The following LSAMP variants were observed in gnomAD, a reference collection of about 807,000 sequenced individuals.
LSAMP encodes limbic system associated membrane protein, also known as limbic system-associated membrane protein.
A neutral mutation model predicts 38.6 loss-of-function variants in LSAMP; 7 were observed. That is an observed-to-expected ratio of 0.18 (90% confidence interval 0.10 to 0.34). The LOEUF (loss-of-function observed/expected upper bound fraction) is 0.34. LSAMP is among the 10% of genes least tolerant of loss of function. LSAMP has a pLI of 1.00. For synonymous variants in LSAMP, 154 were observed against 166.8 expected (o/e 0.92, Z 0.59); for missense variants, 313 against 420.0 (o/e 0.75, Z 2.23).
intron 1 of LSAMP, among the ~76,000 whole-genome samples, chr3:116,317,704 G>A (rs1159755608): frequency 6.6e-6 from 1 of 152,078 alleles, no homozygotes; most frequent in African/African-American, 2.4e-5. Flanking sequence ...GAAACTGGGG[G>A]CAGTAGTTAT....
intron 3 of LSAMP, among the ~76,000 whole-genome samples, chr3:115,938,141 G>A (rs1295695212): frequency 6.6e-6 from 1 of 152,116 alleles, no homozygotes; most frequent in Non-Finnish European, 1.5e-5. Context: ...AAGGTCTTTA[G>A]ATTTTCACTG....
chr3:116,423,117 A>T (rs562578365), intron 1 of LSAMP, among the ~76,000 whole-genome samples: 30 of 152,384 alleles, frequency 2.0e-4, no homozygotes, highest in African/African-American at 6.7e-4. Flanking sequence ...AGATTAATGG[A>T]TGACTAGACA....
chr3:116,129,904 T>A (rs1205125012), intron 1 of LSAMP, among the ~76,000 whole-genome samples: 2 of 152,216 alleles, frequency 1.3e-5, no homozygotes, highest in Non-Finnish European at 2.9e-5. Context: ...ATTTTATGTG[T>A]TCATCTGGAG....
intron 1 of LSAMP, among the ~76,000 whole-genome samples, chr3:116,235,325 A>G (rs1422381263): frequency 4.6e-5 from 7 of 152,108 alleles, no homozygotes; most frequent in African/African-American, 1.7e-4. Flanking sequence ...TATGTTGCAT[A>G]GACTGGTCTT....
At chr3:115,853,511 C>T (rs1422621804) in intron 3 of LSAMP, among the ~76,000 whole-genome samples, 2 of 152,148 alleles carry the variant, frequency 1.3e-5, no homozygotes, top group Non-Finnish European at 2.9e-5. Flanking sequence ...CTTAAGAAAC[C>T]TTGTTTAAAT....
intron 2 of LSAMP, among the ~76,000 whole-genome samples, chr3:116,053,928 T>C (rs2107737005): frequency 6.6e-6 from 1 of 152,318 alleles, no homozygotes; most frequent in East Asian, 1.9e-4. Flanking sequence ...TGTTTTTAAA[T>C]ACCATATTAC....
chr3:116,260,791 G>A (rs2046816082), intron 1 of LSAMP, among the ~76,000 whole-genome samples: 1 of 152,164 alleles, frequency 6.6e-6, no homozygotes, highest in Non-Finnish European at 1.5e-5. Context: ...TCTATGCCTT[G>A]AGGATAAAGA....
chr3:115,945,988 T>C (rs75956773), intron 3 of LSAMP, among the ~76,000 whole-genome samples: 2,969 of 152,248 alleles, frequency 0.02, 98 homozygotes, highest in African/African-American at 0.067. Flanking sequence ...AACTCTTAAA[T>C]AGAGCATCCC....
At chr3:116,346,077 A>G (rs534874626) in intron 1 of LSAMP, among the ~76,000 whole-genome samples, 1 of 152,288 alleles carries the variant, frequency 6.6e-6, no homozygotes, top group African/African-American at 2.4e-5. Flanking sequence ...TCTGGGTGCA[A>G]ATTATTAAAA....
chr3:115,868,142 C>T (rs749497098), intron 3 of LSAMP, among the ~76,000 whole-genome samples: 2 of 152,134 alleles, frequency 1.3e-5, no homozygotes, highest in African/African-American at 2.4e-5. Context: ...AATTTAGCTC[C>T]TACATTCAAC....
intron 3 of LSAMP, among the ~76,000 whole-genome samples, chr3:115,873,179 G>A (rs1182874604): frequency 1.3e-5 from 2 of 152,006 alleles, no homozygotes; most frequent in African/African-American, 4.8e-5. Context: ...AGACCAGCCT[G>A]GCCAACATGA....
intron 1 of LSAMP, among the ~76,000 whole-genome samples, chr3:116,240,533 A>G (rs1201486389): frequency 2.0e-5 from 3 of 152,218 alleles, no homozygotes; most frequent in Non-Finnish European, 2.9e-5. Flanking sequence ...TAGAGAAAAC[A>G]CTACAGGAGA....
At chr3:116,383,209 A>C (rs1290512066) in intron 1 of LSAMP, among the ~76,000 whole-genome samples, 1 of 152,140 alleles carries the variant, frequency 6.6e-6, no homozygotes, top group Non-Finnish European at 1.5e-5. Context: ...GCTATGTATA[A>C]TACTTTGAAG....
At position 116,180,000 on chromosome 3, in the gene LSAMP, T is replaced by A. The variant is rs560554044; in HGVS notation, c.156-93444A>T. ...GTTCTAAGTACTTATAACATATTTA[T>A]AATAGCATTATGACAAACAGCTTGG... is the stretch of plus-strand genomic sequence containing the variant. On this transcript the variant is annotated intron_variant, in intron 1 of 6. Coordinates refer to ENST00000490035, the MANE Select transcript of LSAMP (RefSeq NM_002338.5). 1.4e-4 allele frequency among the ~76,000 whole-genome samples: 21 copies of A among 152,326 alleles called. No homozygotes were observed. The South Asian group carries it at 4.3e-3, about 32-fold the overall frequency.
chr3:116,139,752 T>A (rs1338629212), intron 1 of LSAMP, among the ~76,000 whole-genome samples: 3 of 152,036 alleles, frequency 2.0e-5, no homozygotes, highest in African/African-American at 7.2e-5. Context: ...ATGCCTGCTT[T>A]GGGGGAATGG....
chr3:116,371,186 C>G (rs1353359316), intron 1 of LSAMP, among the ~76,000 whole-genome samples: 2 of 151,976 alleles, frequency 1.3e-5, no homozygotes, highest in Non-Finnish European at 2.9e-5. Flanking sequence ...GGGAACATTC[C>G]CCTTACTTAT....
intron 1 of LSAMP, among the ~76,000 whole-genome samples, chr3:116,346,530 T>G (rs1021519539): frequency 6.6e-6 from 1 of 152,116 alleles, no homozygotes; most frequent in African/African-American, 2.4e-5. Flanking sequence ...GGTTTCACCA[T>G]GTTGTCCAGG....
chr3:116,155,322 T>C (rs1709719990), intron 1 of LSAMP, among the ~76,000 whole-genome samples: 2 of 152,200 alleles, frequency 1.3e-5, no homozygotes, highest in Admixed American at 1.3e-4. Context: ...CCTCCTGGGT[T>C]CAAGTAATTC....
At chr3:116,249,194 T>TGA (rs1349682084) in intron 1 of LSAMP, among the ~76,000 whole-genome samples, 4 of 151,588 alleles carry the variant, frequency 2.6e-5, no homozygotes, top group Non-Finnish European at 5.9e-5. Flanking sequence ...TTTGATACTA[T>TGA]GAGAGTCAAG....
Sources: allele counts gnomAD v4.1 joint callset (sites outside exome capture counted in the v4.1 genomes callset), GRCh38; gene constraint gnomAD v4.1.1; transcripts MANE v1.5; gene names NCBI Gene and HGNC (gene_info 2026-07-23, HGNC 2026-07-21).